The following KCNH5 variants were observed in gnomAD, a reference collection of about 807,000 sequenced individuals.
KCNH5 encodes the protein voltage-gated delayed rectifier potassium channel KCNH5.
A neutral mutation model predicts 96.1 loss-of-function variants in KCNH5; 46 were observed. The observed-to-expected ratio is 0.48, with a 90% confidence interval of 0.38 to 0.61. The LOEUF (loss-of-function observed/expected upper bound fraction) is 0.61, where lower values mean the gene tolerates loss of function less well. Among genes scored for constraint, KCNH5 ranks in the 20% least tolerant of loss-of-function variants. The pLI is 0.00. For synonymous variants in KCNH5, 439 were observed against 449.8 expected, an observed-to-expected ratio of 0.98 and a Z score of 0.30; for missense variants, 907 against 1,225.8, an observed-to-expected ratio of 0.74 and a Z score of 3.88.
At chr14:62,732,561 C>T (rs943943759) in intron 10 of KCNH5, among the ~76,000 whole-genome samples, 23 of 152,052 alleles carry the variant, frequency 1.5e-4, no homozygotes, top group Admixed American at 2.6e-4. Context: ...CTAATATCCT[C>T]TTCTCTATCC....
At chr14:62,823,146 G>C (rs1887149224) in intron 8 of KCNH5, among the ~76,000 whole-genome samples, 1 of 151,556 alleles carries the variant, frequency 6.6e-6, no homozygotes, top group South Asian at 2.1e-4. Context: ...CCTCTGTGGA[G>C]TCCACCCTAT....
At chr14:63,013,706 TG>T (rs1487039938) in intron 2 of KCNH5, among the ~76,000 whole-genome samples, 1 of 152,024 alleles carries the variant, frequency 6.6e-6, no homozygotes, top group East Asian at 1.9e-4. Context: ...ATAAACTGCT[TG>T]GGGGGTGCTT....
At chr14:62,726,258 A>G (rs1423716863) in intron 10 of KCNH5, among the ~76,000 whole-genome samples, 4 of 152,216 alleles carry the variant, frequency 2.6e-5, no homozygotes, top group Non-Finnish European at 5.9e-5. Flanking sequence ...TTTCTTAAAC[A>G]TCACACAAAA....
intron 10 of KCNH5, among the ~76,000 whole-genome samples, chr14:62,754,642 G>A (rs1219785186): frequency 6.6e-6 from 1 of 152,024 alleles, no homozygotes; most frequent in Non-Finnish European, 1.5e-5. Context: ...GGAGGCTGAG[G>A]TGGGCAGATC....
At chr14:63,013,682 G>A (rs192988237) in intron 2 of KCNH5, among the ~76,000 whole-genome samples, 133 of 152,156 alleles carry the variant, frequency 8.7e-4, no homozygotes, top group Non-Finnish European at 1.4e-3. Flanking sequence ...GAGTCATGAT[G>A]CAAACACTGT....
intron 6 of KCNH5, among the ~76,000 whole-genome samples, chr14:62,974,481 G>A (rs143234080): frequency 6.6e-6 from 1 of 152,236 alleles, no homozygotes; most frequent in African/African-American, 2.4e-5. Context: ...ACAGCTTTTA[G>A]AAAATTTATG....
chr14:62,909,199 C>G (rs903742368), intron 7 of KCNH5, among the ~76,000 whole-genome samples: 2 of 150,214 alleles, frequency 1.3e-5, no homozygotes, highest in Non-Finnish European at 3.0e-5. Flanking sequence ...GCGCCCGCCA[C>G]TACGCCCGGC....
intron 2 of KCNH5, among the ~76,000 whole-genome samples, chr14:63,009,118 T>C (rs1045389565): frequency 2.0e-5 from 3 of 151,992 alleles, no homozygotes; most frequent in Non-Finnish European, 2.9e-5. Context: ...ATATTCGCAA[T>C]TGGTCAACAG....
intron 1 of KCNH5, among the ~76,000 whole-genome samples, chr14:63,040,056 C>T (rs1274458519): frequency 6.6e-6 from 1 of 152,092 alleles, no homozygotes; most frequent in East Asian, 1.9e-4. Context: ...AATGCAGAAG[C>T]ATTGTTCCTC....
intron 10 of KCNH5, among the ~76,000 whole-genome samples, chr14:62,771,428 T>C (rs543035893): frequency 7.2e-5 from 11 of 152,160 alleles, no homozygotes; most frequent in South Asian, 6.2e-4. Context: ...AGATCAAGAC[T>C]ATCCTGGCTA....
chr14:62,731,924 A>C (rs1374895513), intron 10 of KCNH5, among the ~76,000 whole-genome samples: 1 of 152,128 alleles, frequency 6.6e-6, no homozygotes, highest in Non-Finnish European at 1.5e-5. Context: ...TTGAGCACAC[A>C]CCACTGAATG....
Position 63,006,340 on chromosome 14 carries a change from ATCTTAT to A in KCNH5, c.304+20_304+25del. ...CATAATATTAATAAAGAGTTGGCACATCTTATTAATAATTGAGATACCTACTGTTTT... is the reference window on the plus strand; with the variant it reads ...CATAATATTAATAAAGAGTTGGCACATAATAATTGAGATACCTACTGTTTT... On this transcript the variant is annotated intron_variant, in intron 3 of 10. Transcript: ENST00000322893. The A allele has an allele frequency of 1.5e-6, 2 of 1,348,530 alleles. No individual in the cohort carries two copies. The highest frequency in any genetic ancestry group is 2.1e-6 in the Non-Finnish European group (2 of 941,292). 83.5% of individuals were successfully genotyped at this position (1,348,530 alleles called of 1,614,324 possible).
chr14:62,898,954 C>T (rs936906969), intron 7 of KCNH5, among the ~76,000 whole-genome samples: 8 of 152,034 alleles, frequency 5.3e-5, no homozygotes, highest in African/African-American at 1.9e-4. Flanking sequence ...CACCTTGTAA[C>T]GTAGCCTCAA....
At chr14:62,751,836 C>T (rs1012258075) in intron 10 of KCNH5, among the ~76,000 whole-genome samples, 3 of 152,100 alleles carry the variant, frequency 2.0e-5, no homozygotes, top group Non-Finnish European at 4.4e-5. Flanking sequence ...GTATGGGGAC[C>T]CATAGCTGCT....
At position 62,708,386 on chromosome 14, in the gene KCNH5, T is replaced by A. The variant is rs544844321; in HGVS notation, c.2089A>T (p.Thr697Ser). 8.1e-6 allele frequency: 13 copies of A among 1,613,278 alleles called. No individual in the cohort carries two copies. The South Asian group carries it at 1.3e-4, about 16-fold the overall frequency. Residue 697 changes from threonine (T) to serine (S), a missense_variant, in exon 11 of 11, where the codon ACC (threonine) becomes TCC (serine). Physicochemically the swap from Thr to Ser is moderately conservative, Grantham distance 58. Coordinates refer to ENST00000322893, the MANE Select transcript of KCNH5 (RefSeq NM_139318.5). ...GGGTGGTCCACGGGAATGCTGAGGG[T>A]CACCTCATTCTTCTGCCGGAGGCGC... ...EERLRQKNEV[T>S]LSIPVDHPVR...
intron 1 of KCNH5, among the ~76,000 whole-genome samples, chr14:63,029,741 T>C (rs753061271): frequency 2.6e-5 from 4 of 151,942 alleles, no homozygotes; most frequent in Non-Finnish European, 4.4e-5. Flanking sequence ...AATCCAGAGG[T>C]TTCTTTTTGA....
chr14:62,860,930 C>T (rs916233076), intron 7 of KCNH5, among the ~76,000 whole-genome samples: 2 of 152,168 alleles, frequency 1.3e-5, no homozygotes, highest in East Asian at 3.9e-4. Flanking sequence ...TGGAAAGAAG[C>T]AGAGGAAGAA....
intron 6 of KCNH5, among the ~76,000 whole-genome samples, chr14:62,976,402 CA>C (rs58791042): frequency 0.25 from 20,972 of 85,248 alleles, 1,312 homozygotes; most frequent in Non-Finnish European, 0.3. Flanking sequence ...GACTCCATGT[CA>C]AAAAAAAAAA....
intron 1 of KCNH5, among the ~76,000 whole-genome samples, chr14:63,031,686 C>T (rs974282699): frequency 2.0e-5 from 3 of 152,094 alleles, no homozygotes; most frequent in African/African-American, 7.2e-5. Flanking sequence ...ATGAGGACTA[C>T]AGTTACTAAT....
Sources: gnomAD v4.1 joint callset for allele counts (sites outside exome capture counted in the v4.1 genomes callset) on GRCh38, gnomAD v4.1.1 for gene constraint, MANE v1.5 for transcripts, NCBI Gene and HGNC (gene_info 2026-07-23, HGNC 2026-07-21) for gene names.